The following MXI1 variants were observed in gnomAD, a reference collection of about 807,000 sequenced individuals.
MXI1 encodes max-interacting protein 1.
A neutral mutation model predicts 36.9 loss-of-function variants in MXI1; 18 were observed. The observed-to-expected ratio is 0.49, with a 90% CI of 0.34 to 0.72. The LOEUF (loss-of-function observed/expected upper bound fraction) is 0.72, where lower values mean the gene tolerates loss of function less well. Ranked by LOEUF, MXI1 falls within the 30% of genes least tolerant of loss-of-function variation. The pLI, the probability that MXI1 is intolerant of heterozygous loss-of-function variation, is 0.01. For missense variants in MXI1, 304 were observed against 379.1 expected (o/e 0.80, Z 1.64); for synonymous variants, 160 against 146.7 (o/e 1.09, Z -0.65).
chr10:110,240,613 A>C (rs1855637802), intron 2 of MXI1, among the ~76,000 whole-genome samples: 1 of 152,102 alleles, frequency 6.6e-6, no homozygotes, highest in African/African-American at 2.4e-5. Flanking sequence ...CTGTTCCACT[A>C]ATCCCAGTAT....
At chr10:110,229,264 C>T (rs1450256122) in intron 2 of MXI1, among the ~76,000 whole-genome samples, 1 of 152,106 alleles carries the variant, frequency 6.6e-6, no homozygotes, top group Non-Finnish European at 1.5e-5. Context: ...TAAATGAGAC[C>T]TTTATTTCTG....
At chr10:110,213,101 G>T (rs1335258032) in intron 1 of MXI1, among the ~76,000 whole-genome samples, 1 of 152,192 alleles carries the variant, frequency 6.6e-6, no homozygotes, top group African/African-American at 2.4e-5. Context: ...AGACGAGTCA[G>T]AAATACTGAT....
intron 1 of MXI1, among the ~76,000 whole-genome samples, chr10:110,222,945 A>G (rs1348080682): frequency 6.6e-6 from 1 of 152,176 alleles, no homozygotes; most frequent in Non-Finnish European, 1.5e-5. Flanking sequence ...TGGCACTTCA[A>G]TTGCTTTTAG....
At chr10:110,257,202 A>C (rs1408588437) in intron 3 of MXI1, 2 of 152,546 alleles carry the variant, frequency 1.3e-5, no homozygotes, top group South Asian at 2.1e-4. Context: ...AGGAATGGGT[A>C]CTGTTCAAAA....
At chr10:110,280,179 T>G in intron 5 of MXI1, 94 bp downstream of exon 5, 1 of 1,060,904 alleles carries the variant, frequency 9.4e-7, no homozygotes, top group Non-Finnish European at 1.3e-6. Flanking sequence ...TTGCTTTCTT[T>G]CTAGCCAACA....
At chr10:110,280,542 T>C (rs527969045) in intron 5 of MXI1, among the ~76,000 whole-genome samples, 9 of 151,532 alleles carry the variant, frequency 5.9e-5, no homozygotes, top group East Asian at 1.9e-4. Context: ...TAGACGGGCG[T>C]GGTGGCAGGC....
At chr10:110,239,415 G>A (rs1855587160) in intron 2 of MXI1, among the ~76,000 whole-genome samples, 1 of 152,174 alleles carries the variant, frequency 6.6e-6, no homozygotes, top group South Asian at 2.1e-4. Context: ...AAACAGTTGT[G>A]TTTAAGCACT....
At chr10:110,225,241 G>A (rs1157302769) in intron 1 of MXI1, among the ~76,000 whole-genome samples, 2 of 152,182 alleles carry the variant, frequency 1.3e-5, no homozygotes, top group Non-Finnish European at 2.9e-5. Context: ...TAAGGAAAAT[G>A]AGGCTGGAAG....
At chr10:110,246,713 G>A (rs1855877681) in intron 3 of MXI1, among the ~76,000 whole-genome samples, 1 of 152,164 alleles carries the variant, frequency 6.6e-6, no homozygotes, top group African/African-American at 2.4e-5. Flanking sequence ...CTAGTATTGA[G>A]TGAAGGATAA....
intron 5 of MXI1, among the ~76,000 whole-genome samples, chr10:110,281,785 G>C (rs185376713): frequency 7.1e-4 from 108 of 152,230 alleles, no homozygotes; most frequent in African/African-American, 2.5e-3. Flanking sequence ...GGTAGATGCA[G>C]AATACTTCAT....
chr10:110,251,799 A>G (rs1056305183), intron 3 of MXI1, among the ~76,000 whole-genome samples: 1 of 152,140 alleles, frequency 6.6e-6, no homozygotes, highest in African/African-American at 2.4e-5. Context: ...CCATGGAAGC[A>G]GGAATGTAGC....
chr10:110,282,496 C>T (rs1170447520), intron 5 of MXI1, among the ~76,000 whole-genome samples: 1 of 152,078 alleles, frequency 6.6e-6, no homozygotes, highest in African/African-American at 2.4e-5. Flanking sequence ...CAGAAATAAC[C>T]CTGACCTTGG....
intron 3 of MXI1, chr10:110,257,820 C>T (rs181213540): frequency 2.8e-6 from 1 of 353,330 alleles, no homozygotes; most frequent in Non-Finnish European, 5.7e-6. Flanking sequence ...GCTGCTGGAA[C>T]CTATTCCCTG....
chr10:110,279,146 A>T, intron 3 of MXI1, 34 bp from the exon 4 acceptor site: 7 of 1,465,532 alleles, frequency 4.8e-6, no homozygotes, highest in Non-Finnish European at 6.7e-6. Context: ...TGAAATAACC[A>T]GACTGTGCTG....
chr10:110,227,466 A>G (rs1316093613), intron 1 of MXI1: 14 of 986,346 alleles, frequency 1.4e-5, no homozygotes, highest in African/African-American at 1.8e-5. Context: ...GGGTGGAGGG[A>G]AGTTGGAGAG....
rs11195058 is a variant in MXI1, at chr10:110,268,063, G to C, written c.438-11117G>C. 2.2e-3 allele frequency among the ~76,000 whole-genome samples: 329 copies of C among 152,246 alleles called. 12 individuals are homozygous for C. The East Asian group carries it at 0.047, about 22-fold the overall frequency. On this transcript the variant is annotated intron_variant, in intron 3 of 5. Transcript: ENST00000332674. ...TACTGGCTTCTTTAGTTGGAGTAGT[G>C]GTCAATATGTTCTTGCTGTTGGAAT... is the stretch of plus-strand genomic sequence containing the variant.
chr10:110,270,232 C>T (rs193026458), intron 3 of MXI1, among the ~76,000 whole-genome samples: 31 of 152,204 alleles, frequency 2.0e-4, no homozygotes, highest in Admixed American at 3.3e-4. Flanking sequence ...TCTTGTGTGA[C>T]CAAAGAAGAA....
In MXI1 at chr10:110,207,660, A is replaced by G. The variant is rs1854397287; in HGVS notation, c.-149A>G. On this transcript the variant is annotated 5_prime_UTR_variant, in exon 1 of 6. Transcript: ENST00000332674. Reference sequence around the variant, plus strand: ...ACACTCCCATACACTCACACACACAACTGCAGGCAGCGAGGCTCGGGAAGT... The same window carrying G: ...ACACTCCCATACACTCACACACACAGCTGCAGGCAGCGAGGCTCGGGAAGT... 4.1e-6 allele frequency: 1 copy of G among 242,286 alleles called. No homozygotes were observed. The highest frequency in any genetic ancestry group is 6.9e-6 in the Non-Finnish European group (1 of 144,062). The allele number at this position is 242,286 out of a possible 1,614,324, so 15.0% of individuals were successfully genotyped here.
intron 3 of MXI1, among the ~76,000 whole-genome samples, chr10:110,251,008 G>GT (rs1217881352): frequency 1.7e-5 from 1 of 58,226 alleles, no homozygotes; most frequent in Non-Finnish European, 2.8e-5. Flanking sequence ...CTAAGTATTT[G>GT]TTAAAAAAAA....
Sources: gnomAD v4.1 joint callset for allele counts (sites outside exome capture counted in the v4.1 genomes callset) on GRCh38, gnomAD v4.1.1 for gene constraint, MANE v1.5 for transcripts, NCBI Gene and HGNC (gene_info 2026-07-23, HGNC 2026-07-21) for gene names.